Variants in STARD9 observed in about 807,000 individuals in gnomAD.
STARD9 encodes the protein stAR-related lipid transfer protein 9.
Under a neutral mutation model 399.8 loss-of-function variants are expected in STARD9, and 346 were observed. The observed-to-expected ratio is 0.87, with a 90% CI of 0.79 to 0.95. The LOEUF is 0.95. STARD9 is among the 40% of genes least tolerant of loss of function. STARD9 has a pLI of 0.00. For missense variants in STARD9, 5,832 were observed against 5,667.5 expected (o/e 1.03, Z -0.93); for synonymous variants, 2,203 against 2,143.5 (o/e 1.03, Z -0.77).
intron 3 of STARD9, among the ~76,000 whole-genome samples, chr15:42,602,973 C>T (rs935553831): frequency 1.3e-5 from 2 of 152,172 alleles, no homozygotes; most frequent in Non-Finnish European, 2.9e-5. Flanking sequence ...ACCCTATTCT[C>T]CTGCCTCATA....
rs553626612 is a variant in STARD9, at chr15:42,681,540, C to G, written c.1993C>G (p.Leu665Val). The change falls in exon 21 of 33, where the codon CTA becomes GTA. Residue 665 changes from leucine to valine, a missense_variant. Coordinates refer to ENST00000290607, the MANE Select transcript of STARD9 (RefSeq NM_020759.3). ...SYVEDLRHQI[L>V]AEEIRAAKEL... Reference sequence around the variant, plus strand: ...CGTAGAGGATTTGAGGCATCAAATCCTAGCAGAAGAGATTCGAGCTGCGAA... The same window carrying G: ...CGTAGAGGATTTGAGGCATCAAATCGTAGCAGAAGAGATTCGAGCTGCGAA... 2 of 1,537,210 alleles carry G rather than the reference C, an allele frequency of 1.3e-6. No homozygotes were observed. Among genetic ancestry groups the G allele is most frequent in the African/African-American group, 1.4e-5 (1 of 73,174 alleles).
chr15:42,595,340 A>T (rs549859695), intron 3 of STARD9, among the ~76,000 whole-genome samples: 1 of 152,310 alleles, frequency 6.6e-6, no homozygotes, highest in East Asian at 1.9e-4. Context: ...CAACCAAGTG[A>T]TGGACGCAGC....
intron 3 of STARD9, among the ~76,000 whole-genome samples, chr15:42,601,049 A>T (rs1241683919): frequency 6.6e-6 from 1 of 151,792 alleles, no homozygotes; most frequent in East Asian, 1.9e-4. Context: ...GGTACTTGAG[A>T]TTAGGGAGTG....
intron 7 of STARD9, among the ~76,000 whole-genome samples, chr15:42,640,940 G>A (rs897651221): frequency 6.6e-6 from 1 of 151,832 alleles, no homozygotes; most frequent in Non-Finnish European, 1.5e-5. Context: ...AGAAAGTTAA[G>A]GGTTGTTCCC....
In STARD9 at chr15:42,690,703, G is replaced by A. The variant is rs1189168393; in HGVS notation, c.9125G>A (p.Cys3042Tyr). The A allele has an allele frequency of 2.6e-6, 4 of 1,537,138 alleles. No individual in the cohort carries two copies. Among genetic ancestry groups the A allele is most frequent in the Non-Finnish European group, 3.5e-6 (4 of 1,146,914 alleles). The change falls in exon 23 of 33, where the codon TGT (cysteine) becomes TAT (tyrosine). Residue 3042 changes from cysteine to tyrosine, a missense_variant. Cys to Tyr is a radical substitution (Grantham distance 194). Around this residue, in one of 2 missense-constraint regions of STARD9, gnomAD observed 5,828 missense variants for 5,651.1 expected, o/e 1.03. Coordinates refer to ENST00000290607, the MANE Select transcript of STARD9 (RefSeq NM_020759.3). ...TTTAGGCTAACAGAGAGCAGCACTT[G>A]TGAGCCTTCTACTGTGGCTGCTGTC... ...REFRLTESSTCEPSTVAAVLS... is the reference protein window; with the variant it reads ...REFRLTESSTYEPSTVAAVLS...
At chr15:42,637,056 C>T (rs532160732) in intron 4 of STARD9, among the ~76,000 whole-genome samples, 1 of 138,884 alleles carries the variant, frequency 7.2e-6, no homozygotes, top group East Asian at 2.1e-4. Context: ...AAGAGTGAAA[C>T]TCCATTTCAA....
intron 1 of STARD9, among the ~76,000 whole-genome samples, chr15:42,582,219 G>A (rs531178230): frequency 6.6e-6 from 1 of 152,298 alleles, no homozygotes; most frequent in Admixed American, 6.5e-5. Context: ...CTAGGTCATA[G>A]CCTGGGAAGC....
intron 9 of STARD9, among the ~76,000 whole-genome samples, chr15:42,656,221 C>T: frequency 6.6e-6 from 1 of 150,602 alleles, no homozygotes; most frequent in Admixed American, 6.6e-5. Flanking sequence ...CTGTTGCGCT[C>T]CTGTAGTCCC....
chr15:42,588,582 G>A (rs1029361809), intron 3 of STARD9, among the ~76,000 whole-genome samples: 5 of 152,026 alleles, frequency 3.3e-5, no homozygotes, highest in Non-Finnish European at 5.9e-5. Flanking sequence ...TCCCAGAGTG[G>A]TGGCAGGACT....
rs576394852 is a variant in STARD9, at chr15:42,702,243, G to A, written c.13284+6363G>A. Among the ~76,000 whole-genome samples the A allele has an allele frequency of 7.9e-5, 12 of 152,058 alleles. No individual in the cohort carries two copies. The South Asian group carries it at 1.5e-3, about 18-fold the overall frequency. On this transcript the variant is annotated intron_variant, in intron 26 of 32. Transcript: ENST00000290607. ...TTTTTAGTCAGAGTCTTGCTCTGTC[G>A]CCCAAGCTGGAGTGCAGTGGCACAA...
intron 7 of STARD9, among the ~76,000 whole-genome samples, chr15:42,650,584 T>G (rs143374928): frequency 1.3e-5 from 2 of 152,328 alleles, no homozygotes; most frequent in African/African-American, 2.4e-5. Flanking sequence ...TTACCATGAT[T>G]GTAAACTGTG....
chr15:42,690,314 TGGGGAGGAAGCCCCA>T lies in STARD9; in HGVS notation c.8737_8751del (p.Gly2913_Pro2917del). ...GACCAAGCGCAAATCCTGGGGGAAT[TGGGGAGGAAGCCCCA>T]TGTAGACACCCAAGGGAAGCTTTAG... is the stretch of plus-strand genomic sequence containing the variant. On this transcript the variant is annotated inframe_deletion, in exon 23 of 33. Transcript: ENST00000290607. 10 of 1,537,242 alleles carry T rather than the reference TGGGGAGGAAGCCCCA, an allele frequency of 6.5e-6. No individual in the cohort carries two copies. The highest frequency in any genetic ancestry group is 8.7e-6 in the Non-Finnish European group (10 of 1,146,916).
In STARD9 at chr15:42,717,830, T is replaced by C. The variant is rs1006928122; in HGVS notation, c.13559+35T>C. On this transcript the variant is annotated intron_variant, in intron 29 of 32. Coordinates refer to ENST00000290607, the MANE Select transcript of STARD9 (RefSeq NM_020759.3). Reference sequence around the variant, plus strand: ...TTTAGGGTCCTTTGTACAGTGTCTGTCTTGGTAAGCTTGTCACCCTGCTTG... The same window carrying C: ...TTTAGGGTCCTTTGTACAGTGTCTGCCTTGGTAAGCTTGTCACCCTGCTTG... 5.2e-6 allele frequency: 8 copies of C among 1,533,154 alleles called. No homozygotes were observed. The Admixed American group carries it at 1.6e-4, about 30-fold the overall frequency. 95.0% of individuals were successfully genotyped at this position (1,533,154 alleles called of 1,614,324 possible).
chr15:42,698,464 T>C (rs1433965078), intron 26 of STARD9, among the ~76,000 whole-genome samples: 1 of 152,204 alleles, frequency 6.6e-6, no homozygotes, highest in Admixed American at 6.5e-5. Flanking sequence ...TTGTATTTTG[T>C]TTTTCATGAG....
intron 3 of STARD9, among the ~76,000 whole-genome samples, chr15:42,623,656 G>A (rs1283467714): frequency 1.3e-5 from 2 of 152,060 alleles, no homozygotes; most frequent in African/African-American, 2.4e-5. Context: ...GGCTTTGTTC[G>A]TGTTTACCTT....
At position 42,718,833 on chromosome 15, in the gene STARD9, A is replaced by T; in HGVS notation, c.13924A>T (p.Ile4642Phe). 1.3e-6 allele frequency: 2 copies of T among 1,537,184 alleles called. No homozygotes were observed. Among genetic ancestry groups the T allele is most frequent in the Non-Finnish European group, 1.7e-6 (2 of 1,146,890 alleles). ...CAGCAGAAAAATGGTTCGCGGGGAG[A>T]TCCTGCCCAGTGCCTGGATCTTGCA... ...RPSRKMVRGE[I>F]LPSAWILQPI... is the part of the protein sequence containing the mutation. Residue 4642 changes from isoleucine to phenylalanine, a missense_variant, in exon 32 of 33, where the codon ATC (isoleucine) becomes TTC (phenylalanine). Transcript: ENST00000290607.
chr15:42,689,362 A>C lies in STARD9; in HGVS notation c.7784A>C (p.Gln2595Pro). The change falls in exon 23 of 33, where the codon CAG becomes CCG. Residue 2595 changes from glutamine (Q) to proline (P), a missense_variant. This residue lies in a region of STARD9 where 5,828 missense variants were observed against 5,651.1 expected (regional missense o/e 1.03). Coordinates refer to ENST00000290607, the MANE Select transcript of STARD9 (RefSeq NM_020759.3). ...ECSSRVAGRP[Q>P]CKQIDQSSSD... ...TCTTCAAGGGTTGCTGGCAGGCCTC[A>C]GTGTAAACAAATAGACCAGTCATCA... is the stretch of plus-strand genomic sequence containing the variant. The C allele has an allele frequency of 6.5e-7, 1 of 1,537,338 alleles. No individual in the cohort carries two copies. The highest frequency in any genetic ancestry group is 8.7e-7 in the Non-Finnish European group (1 of 1,146,928).
intron 1 of STARD9, chr15:42,581,613 C>T: frequency 1.5e-6 from 1 of 674,356 alleles, no homozygotes; most frequent in Non-Finnish European, 2.5e-6. Context: ...TCCTCTAGTT[C>T]CCTCGTCTGG....
Position 42,691,521 on chromosome 15 carries a change from C to T in STARD9, c.9943C>T (p.Pro3315Ser). The change falls in exon 23 of 33, where the codon CCC (proline) becomes TCC (serine). Residue 3315 changes from proline (P) to serine (S), a missense_variant. Pro to Ser is a moderately conservative substitution (Grantham distance 74, BLOSUM62 -1). Coordinates refer to ENST00000290607, the MANE Select transcript of STARD9 (RefSeq NM_020759.3). The part of the protein sequence containing the change: ...SLPVTTIFSG[P>S]KHSRSSPTPQ... Reference sequence around the variant, plus strand: ...TCCTGTGACTACAATCTTCTCTGGCCCCAAACACTCCAGGTCCTCCCCCAC... The same window carrying T: ...TCCTGTGACTACAATCTTCTCTGGCTCCAAACACTCCAGGTCCTCCCCCAC... 6.5e-7 allele frequency: 1 copy of T among 1,537,212 alleles called. No homozygotes were observed. The highest frequency in any genetic ancestry group is 8.7e-7 in the Non-Finnish European group (1 of 1,146,904).
Sources: allele counts gnomAD v4.1 joint callset (sites outside exome capture counted in the v4.1 genomes callset), GRCh38; gene constraint gnomAD v4.1.1; regional missense constraint gnomAD v4.1.1; transcripts MANE v1.5; gene names NCBI Gene and HGNC (gene_info 2026-07-23, HGNC 2026-07-21).